Variants in PRR14L observed in about 807,000 individuals in gnomAD.
The protein encoded by PRR14L is proline rich 14 like, also known as protein PRR14L.
Under a neutral mutation model 155.0 loss-of-function variants are expected in PRR14L, and 80 were observed. That is an observed-to-expected ratio of 0.52 (90% CI 0.43 to 0.62). PRR14L has a LOEUF of 0.62. Among genes scored for constraint, PRR14L ranks in the 20% least tolerant of loss-of-function variants. PRR14L has a pLI of 0.00. For synonymous variants in PRR14L, 883 were observed against 916.0 expected (o/e 0.96, Z 0.65); for missense variants, 2,469 against 2,548.0 (o/e 0.97, Z 0.67).
intron 3 of PRR14L, among the ~76,000 whole-genome samples, 156 bp from the exon 4 acceptor site, chr22:31,717,447 C>T (rs1255794567): frequency 6.6e-6 from 1 of 152,136 alleles, no homozygotes. Flanking sequence ...TGATTTTGTT[C>T]TTCTCTGAAA....
chr22:31,696,971 T>C (rs535691862), intron 7 of PRR14L, among the ~76,000 whole-genome samples: 1 of 151,920 alleles, frequency 6.6e-6, no homozygotes, highest in African/African-American at 2.4e-5. Context: ...AAAAATTAGC[T>C]GGGTGTGGTG....
At chr22:31,728,388 G>A (rs36047337) in intron 2 of PRR14L, among the ~76,000 whole-genome samples, 4,838 of 152,136 alleles carry the variant, frequency 0.032, 135 homozygotes, top group Non-Finnish European at 0.047. Flanking sequence ...CGAGGAGGGC[G>A]GATCACCTGA....
intron 2 of PRR14L, among the ~76,000 whole-genome samples, chr22:31,729,738 T>C (rs939944690): frequency 3.3e-5 from 5 of 152,204 alleles, no homozygotes; most frequent in Non-Finnish European, 5.9e-5. Context: ...AGAATGGTTG[T>C]TGTCAAAGAC....
rs2074662159 is a variant in PRR14L at position 31,716,683 on chromosome 22, C to T, written c.1156G>A (p.Asp386Asn). 9.7e-6 allele frequency: 15 copies of T among 1,551,706 alleles called. No individual in the cohort carries two copies. The highest frequency in any genetic ancestry group is 1.2e-5 in the Non-Finnish European group (14 of 1,146,942). The change falls in exon 4 of 9, where the codon GAT becomes AAT. Residue 386 changes from aspartate (D) to asparagine (N), a missense_variant. By Grantham distance (23) the Asp-to-Asn change is conservative. Coordinates refer to ENST00000327423, the MANE Select transcript of PRR14L (RefSeq NM_173566.3). ...GAAGCCAAGTTCTTCCCTTGATCAT[C>T]CCCCCTATAAAAATAAGAACTGTCT... is the stretch of plus-strand genomic sequence containing the variant. ...KTDSSYFYRG[D>N]DQGKNLASRE...
intron 1 of PRR14L, among the ~76,000 whole-genome samples, chr22:31,745,622 G>A (rs1379631498): frequency 3.3e-5 from 5 of 151,660 alleles, no homozygotes; most frequent in African/African-American, 1.2e-4. Context: ...GAGGCGGGTA[G>A]ATCACTTGAG....
chr22:31,726,050 C>T (rs2074714859), intron 2 of PRR14L, among the ~76,000 whole-genome samples: 2 of 152,020 alleles, frequency 1.3e-5, no homozygotes, highest in Non-Finnish European at 2.9e-5. Context: ...CTGAAGGAAA[C>T]CTCAAATTTA....
At chr22:31,729,513 G>A (rs537595791) in intron 2 of PRR14L, among the ~76,000 whole-genome samples, 5 of 152,232 alleles carry the variant, frequency 3.3e-5, no homozygotes, top group South Asian at 4.1e-4. Flanking sequence ...CACCACGCCC[G>A]GCCTAGTTAC....
intron 3 of PRR14L, among the ~76,000 whole-genome samples, chr22:31,723,657 T>A (rs1857834730): frequency 1.3e-5 from 2 of 151,528 alleles, no homozygotes; most frequent in South Asian, 4.2e-4. Context: ...CGGAGGAATG[T>A]CCTTTAATCT....
intron 7 of PRR14L, among the ~76,000 whole-genome samples, chr22:31,698,996 CA>C: frequency 6.6e-6 from 1 of 152,104 alleles, no homozygotes; most frequent in East Asian, 1.9e-4. Flanking sequence ...TGCTTTCTAC[CA>C]TACTCCTCAC....
intron 1 of PRR14L, among the ~76,000 whole-genome samples, chr22:31,746,553 CA>C (rs1281705897): frequency 6.6e-6 from 1 of 152,080 alleles, no homozygotes. Flanking sequence ...GAGGTATAAG[CA>C]AAAAATAAAC....
intron 4 of PRR14L, among the ~76,000 whole-genome samples, chr22:31,707,800 T>C (rs2074599749): frequency 6.6e-6 from 1 of 152,298 alleles, no homozygotes. Flanking sequence ...TTTAAAACAA[T>C]GTGAATCACT....
intron 4 of PRR14L, among the ~76,000 whole-genome samples, chr22:31,709,997 G>C (rs1246343141): frequency 6.6e-6 from 1 of 151,910 alleles, no homozygotes; most frequent in African/African-American, 2.4e-5. Flanking sequence ...CTAGAGTGTA[G>C]TGGTGTGATC....
At chr22:31,703,221 AC>A in intron 6 of PRR14L, among the ~76,000 whole-genome samples, 1 of 152,364 alleles carries the variant, frequency 6.6e-6, no homozygotes, top group East Asian at 1.9e-4. Flanking sequence ...ACTGTTGAAG[AC>A]AACAGACGTT....
At chr22:31,706,889 A>C (rs2074595271) in intron 4 of PRR14L, among the ~76,000 whole-genome samples, 1 of 152,080 alleles carries the variant, frequency 6.6e-6, no homozygotes, top group African/African-American at 2.4e-5. Context: ...GTCTCTACTA[A>C]AAATACAAAA....
chr22:31,695,928 C>T lies in PRR14L; in HGVS notation c.6107+5728G>A, dbSNP rs540745899. Among the ~76,000 whole-genome samples the T allele has an allele frequency of 3.3e-5, 5 of 152,094 alleles. No homozygotes were observed. In the East Asian group the frequency reaches 9.7e-4, roughly 29 times the overall value. The stretch of plus-strand genomic sequence containing the variant: ...GTTTAATGTTTTATAATAAACTTCC[C>T]CTGTCTAAAATACTGTGTGATTTCT... On this transcript the variant is annotated intron_variant, in intron 7 of 8. Transcript: ENST00000327423.
At position 31,714,658 on chromosome 22, in the gene PRR14L, T is replaced by C; in HGVS notation, c.3181A>G (p.Ser1061Gly). The C allele has an allele frequency of 1.3e-6, 2 of 1,552,272 alleles. No individual in the cohort carries two copies. The highest frequency in any genetic ancestry group is 1.2e-5 in the South Asian group (1 of 84,066). Reference protein sequence around the residue: ...GMVDIVYTDCSNKLAEGVLDV... With the variant: ...GMVDIVYTDCGNKLAEGVLDV... ...AGCACACCTTCTGCAAGCTTATTAC[T>C]ACAGTCCGTGTAGACGATGTCTACC... Residue 1061 changes from serine to glycine, a missense_variant, in exon 4 of 9, where the codon AGT (serine) becomes GGT (glycine). By Grantham distance (56) the Ser-to-Gly change is moderately conservative. Coordinates refer to ENST00000327423, the MANE Select transcript of PRR14L (RefSeq NM_173566.3).
intron 2 of PRR14L, among the ~76,000 whole-genome samples, chr22:31,735,969 C>T (rs1394753995): frequency 4.0e-5 from 6 of 151,276 alleles, no homozygotes; most frequent in African/African-American, 9.8e-5. Context: ...AGGAGAATGG[C>T]GTGAACCCGG....
chr22:31,736,603 TA>T (rs1172146087), intron 2 of PRR14L, among the ~76,000 whole-genome samples: 1 of 152,198 alleles, frequency 6.6e-6, no homozygotes, highest in Non-Finnish European at 1.5e-5. Context: ...ATGGTGGGTC[TA>T]GAGCAGGGGT....
Position 31,715,898 on chromosome 22 carries a change from T to A in PRR14L, c.1941A>T (p.Glu647Asp). The A allele has an allele frequency of 6.4e-7, 1 of 1,551,578 alleles. No individual in the cohort carries two copies. Among genetic ancestry groups the A allele is most frequent in the Non-Finnish European group, 8.7e-7 (1 of 1,146,820 alleles). ...CTNELVVNKV[E>D]SECVLNQQVS... ...CTTGTTGATTTAAAACACATTCACT[T>A]TCTACTTTGTTTACAACCAGTTCAT... Residue 647 changes from glutamate (E) to aspartate (D), a missense_variant, in exon 4 of 9, where the codon GAA (glutamate) becomes GAT (aspartate). This residue lies in a region of PRR14L where 2,363 missense variants were observed against 2,371.6 expected (regional missense o/e 1.00). Transcript: ENST00000327423.
Sources: gnomAD v4.1 joint callset for allele counts (sites outside exome capture counted in the v4.1 genomes callset) on GRCh38, gnomAD v4.1.1 for gene constraint, gnomAD v4.1.1 regional missense constraint, MANE v1.5 for transcripts, NCBI Gene and HGNC (gene_info 2026-07-23, HGNC 2026-07-21) for gene names.